Variants in ZNF709 observed in about 807,000 individuals in gnomAD.
ZNF709 encodes zinc finger protein 709.
ZNF709 carries 15 observed loss-of-function variants against 10.6 expected under a neutral mutation model. The ratio of observed to expected loss-of-function variants is 1.41; its 90% confidence interval spans 0.95 to 2.18. The LOEUF is 2.18. ZNF709 is among the 30% of genes most tolerant of loss of function. ZNF709 has a pLI of 0.00. For synonymous variants in ZNF709, 194 were observed against 238.8 expected (o/e 0.81, Z 1.73); for missense variants, 589 against 774.0 (o/e 0.76, Z 2.84).
At chr19:12,471,676 T>G (rs1970635533) in intron 1 of ZNF709, among the ~76,000 whole-genome samples, 1 of 152,188 alleles carries the variant, frequency 6.6e-6, no homozygotes, top group African/African-American at 2.4e-5. Flanking sequence ...AATTGATTAA[T>G]GATAGAGCAA....
chr19:12,464,503 C>T lies in ZNF709; in HGVS notation c.1419G>A (p.Glu473=). The T allele has an allele frequency of 1.2e-6, 2 of 1,613,262 alleles. No homozygotes were observed. Residue 473 remains glutamate (E), a synonymous_variant, in exon 4 of 4, where the codon GAG becomes GAA. Transcript: ENST00000397732. Reference sequence around the variant, plus strand: ...CACACTGTTTACATTCATAGGGTTTCTCTCCAGTGTGAATTCTTTCATGCA... The same window carrying T: ...CACACTGTTTACATTCATAGGGTTTTTCTCCAGTGTGAATTCTTTCATGCA... The part of the protein sequence containing the change: ...FRMHERIHTG[E]KPYECKQCGK...
chr19:12,482,429 C>G (rs941879948), intron 1 of ZNF709, among the ~76,000 whole-genome samples: 1 of 152,090 alleles, frequency 6.6e-6, no homozygotes, highest in Non-Finnish European at 1.5e-5. Context: ...ATTCCCTCAC[C>G]CCTGGTGACA....
chr19:12,472,239 AG>A (rs551322211), intron 1 of ZNF709, among the ~76,000 whole-genome samples: 2 of 152,152 alleles, frequency 1.3e-5, no homozygotes, highest in Non-Finnish European at 2.9e-5. Flanking sequence ...ACGGAAACAC[AG>A]GCCAGGCACG....
At chr19:12,469,495 G>A (rs763388790) in intron 1 of ZNF709, among the ~76,000 whole-genome samples, 2 of 152,072 alleles carry the variant, frequency 1.3e-5, no homozygotes, top group South Asian at 2.1e-4. Flanking sequence ...TTCACCAGGC[G>A]CGGTTGCTCA....
rs970181772 is a variant in ZNF709 at position 12,465,203 on chromosome 19, C to T, written c.719G>A (p.Arg240Gln). Reference sequence around the variant, plus strand: ...TCCAGAGTGAGTTCTTTCATGATTTCGAAAAGAACTGGGATGACTGAACGT... The same window carrying T: ...TCCAGAGTGAGTTCTTTCATGATTTTGAAAAGAACTGGGATGACTGAACGT... ...GKTFSHPSSF[R>Q]NHERTHSGEK... is the part of the protein sequence containing the mutation. Residue 240 changes from arginine (R) to glutamine (Q), a missense_variant, in exon 4 of 4, where the codon CGA becomes CAA. By Grantham distance (43) the Arg-to-Gln change is conservative. Transcript: ENST00000397732. 17 of 1,612,780 alleles carry T rather than the reference C, an allele frequency of 1.1e-5. No homozygotes were observed. In the South Asian group the frequency reaches 1.1e-4, roughly 10 times the overall value.
At position 12,465,390 on chromosome 19, in the gene ZNF709, T is replaced by G. The variant is rs1162402979; in HGVS notation, c.532A>C (p.Ser178Arg). The change falls in exon 4 of 4, where the codon AGT (serine) becomes CGT (arginine). Residue 178 changes from serine to arginine, a missense_variant. Transcript: ENST00000397732. ...YKCKQCGKAF[S>R]WPSSFQIHER... ...TGTATTTGAAAGGAACTGGGCCAAC[T>G]GAAAGCCTTACCACACTGTTTACAT... The G allele has an allele frequency of 5.6e-6, 9 of 1,613,836 alleles. No individual in the cohort carries two copies. Among genetic ancestry groups the G allele is most frequent in the Non-Finnish European group, 6.8e-6 (8 of 1,179,936 alleles).
rs767342111 is a variant in ZNF709, at chr19:12,464,562, C to T, written c.1360G>A (p.Gly454Ser). ...GAACTGGAACAACTGAAGGCTTTAC[C>T]ACACTGTTTACATTCATAGGGTTTC... is the stretch of plus-strand genomic sequence containing the variant. Reference protein sequence around the residue: ...GEKPYECKQCGKAFSCSSSFR... With the variant: ...GEKPYECKQCSKAFSCSSSFR... The change falls in exon 4 of 4, where the codon GGT (glycine) becomes AGT (serine). Residue 454 changes from glycine to serine, a missense_variant. Around this residue, in one of 2 missense-constraint regions of ZNF709, gnomAD observed 171 missense variants for 277.7 expected, o/e 0.62. Transcript: ENST00000397732. The T allele has an allele frequency of 6.2e-7, 1 of 1,612,762 alleles. No homozygotes were observed.
chr19:12,475,452 C>A (rs1041716511), intron 1 of ZNF709, among the ~76,000 whole-genome samples: 2 of 151,818 alleles, frequency 1.3e-5, no homozygotes, highest in African/African-American at 2.4e-5. Flanking sequence ...AAACAGAGAA[C>A]AGAAATTACT....
intron 1 of ZNF709, among the ~76,000 whole-genome samples, chr19:12,473,645 A>G (rs1484696572): frequency 6.6e-6 from 1 of 152,232 alleles, no homozygotes; most frequent in East Asian, 1.9e-4. Flanking sequence ...CCTCAGTATC[A>G]TAAGGACATA....
chr19:12,481,889 T>G (rs1599636801), intron 1 of ZNF709, among the ~76,000 whole-genome samples: 1 of 121,556 alleles, frequency 8.2e-6, no homozygotes, highest in African/African-American at 3.3e-5. Flanking sequence ...CTAGTCTGGG[T>G]GACAGAGTGA....
At chr19:12,476,073 G>A (rs1970675767) in intron 1 of ZNF709, among the ~76,000 whole-genome samples, 1 of 152,104 alleles carries the variant, frequency 6.6e-6, no homozygotes, top group African/African-American at 2.4e-5. Flanking sequence ...AACAAAAACT[G>A]GCTCAAAATG....
rs1400870464 is a variant in ZNF709, at chr19:12,464,521, T to C, written c.1401A>G (p.Glu467=). 6.2e-6 allele frequency: 10 copies of C among 1,613,012 alleles called. No homozygotes were observed. Among genetic ancestry groups the C allele is most frequent in the Admixed American group, 1.7e-5 (1 of 59,878 alleles). Residue 467 remains glutamate (E), a synonymous_variant, in exon 4 of 4, where the codon GAA becomes GAG. Transcript: ENST00000397732. ...FSCSSSFRMH[E]RIHTGEKPYE... ...AGGGTTTCTCTCCAGTGTGAATTCT[T>C]TCATGCATTCGAAAGGAACTGGAAC...
chr19:12,463,949 G>C lies in ZNF709; in HGVS notation c.*47C>G. 1 of 1,076,944 alleles carries C rather than the reference G, an allele frequency of 9.3e-7. No homozygotes were observed. The highest frequency in any genetic ancestry group is 1.2e-6 in the Non-Finnish European group (1 of 812,958). The allele number at this position is 1,076,944 out of a possible 1,614,324, so 66.7% of individuals were successfully genotyped here. A position where few individuals can be genotyped will look rare whatever the true frequency, so the allele number is the denominator to read the frequency against. ...CTCAAAAAAAAAAAAAAAAAAAAAG[G>C]AAATAGGACAACTGAAAACTTTGCC... On this transcript the variant is annotated 3_prime_UTR_variant, in exon 4 of 4. Coordinates refer to ENST00000397732, the MANE Select transcript of ZNF709 (RefSeq NM_152601.4).
intron 3 of ZNF709, 123 bp from the exon 4 acceptor site, chr19:12,465,856 GA>G: frequency 1.4e-6 from 1 of 715,370 alleles, no homozygotes; most frequent in Non-Finnish European, 2.1e-6. Context: ...CATTTTCAGG[GA>G]AAGTGTATGT....
At chr19:12,477,382 C>T (rs1047926462) in intron 1 of ZNF709, among the ~76,000 whole-genome samples, 7 of 152,032 alleles carry the variant, frequency 4.6e-5, no homozygotes, top group Admixed American at 2.0e-4. Context: ...TTGTAAGTGC[C>T]AAAGATTTAA....
Position 12,463,842 on chromosome 19 carries a change from G to T in ZNF709, c.*154C>A. On this transcript the variant is annotated 3_prime_UTR_variant, in exon 4 of 4. Transcript: ENST00000397732. ...CTCAGGAAGCTGAGGCAGGAGAATC[G>T]CTTGAACCCAGGAGACAGAGGTTGC... 3.8e-6 allele frequency: 2 copies of T among 530,810 alleles called. No individual in the cohort carries two copies. Among genetic ancestry groups the T allele is most frequent in the Non-Finnish European group, 6.0e-6 (2 of 334,594 alleles). 32.9% of individuals were successfully genotyped at this position (530,810 alleles called of 1,614,324 possible).
At chr19:12,467,932 T>TG (rs1393424257) in intron 1 of ZNF709, among the ~76,000 whole-genome samples, 1 of 146,342 alleles carries the variant, frequency 6.8e-6, no homozygotes, top group Non-Finnish European at 1.5e-5. Flanking sequence ...GGGAGGGAGG[T>TG]GGGGGTCAGC....
chr19:12,478,744 T>TA (rs1970696526), intron 1 of ZNF709, among the ~76,000 whole-genome samples: 1 of 152,194 alleles, frequency 6.6e-6, no homozygotes, highest in Non-Finnish European at 1.5e-5. Flanking sequence ...CCTGGGTTTT[T>TA]ATTGTAGTTT....
In ZNF709 at chr19:12,464,100, G is replaced by A. The variant is rs1310921645; in HGVS notation, c.1822C>T (p.Arg608Ter). 1.9e-5 allele frequency: 27 copies of A among 1,426,982 alleles called. No homozygotes were observed. Among genetic ancestry groups the A allele is most frequent in the Non-Finnish European group, 2.2e-5 (24 of 1,082,676 alleles). 88.4% of individuals were successfully genotyped at this position (1,426,982 alleles called of 1,614,324 possible). A position where few individuals can be genotyped will look rare whatever the true frequency, so the allele number is the denominator to read the frequency against. Residue 608 changes from arginine to a stop codon, truncating the protein, a stop_gained, in exon 4 of 4, where the codon CGA (arginine) becomes TGA (stop). Coordinates refer to ENST00000397732, the MANE Select transcript of ZNF709 (RefSeq NM_152601.4). LOFTEE classifies it low-confidence loss of function (END_TRUNC). Reference sequence around the variant, plus strand: ...TAGGGTTTCTCTCCAGTGTGAGTTCGTTCATGGATTCGAAAGGAACGTGAG... The same window carrying A: ...TAGGGTTTCTCTCCAGTGTGAGTTCATTCATGGATTCGAAAGGAACGTGAG... ...SCSRSFRIHE[R>*]THTGEKPYAC... is the part of the protein sequence containing the mutation.
Sources: gnomAD v4.1 joint callset for allele counts (sites outside exome capture counted in the v4.1 genomes callset) on GRCh38, gnomAD v4.1.1 for gene constraint, gnomAD v4.1.1 regional missense constraint, MANE v1.5 for transcripts, NCBI Gene and HGNC (gene_info 2026-07-23, HGNC 2026-07-21) for gene names.